Variants in AGMO observed in about 807,000 individuals in gnomAD.
AGMO encodes the protein glyceryl-ether monooxygenase.
Under a neutral mutation model 60.2 loss-of-function variants are expected in AGMO, and 75 were observed. That is an observed-to-expected ratio of 1.25 (90% CI 1.03 to 1.51). AGMO has a LOEUF of 1.51. AGMO is among the 40% of genes most tolerant of loss of function. AGMO has a pLI of 0.00. For missense variants in AGMO, 763 were observed against 525.5 expected, an observed-to-expected ratio of 1.45 and a Z score of -4.42; for synonymous variants, 261 against 177.1, an observed-to-expected ratio of 1.47 and a Z score of -3.76.
At chr7:15,534,886 T>C (rs1294185344) in intron 3 of AGMO, among the ~76,000 whole-genome samples, 1 of 151,828 alleles carries the variant, frequency 6.6e-6, no homozygotes, top group Non-Finnish European at 1.5e-5. Flanking sequence ...AGAGAAAACA[T>C]AGTAATATTT....
chr7:15,504,654 A>G (rs1019590071), intron 3 of AGMO, among the ~76,000 whole-genome samples: 6 of 151,970 alleles, frequency 3.9e-5, no homozygotes, highest in African/African-American at 1.4e-4. Flanking sequence ...TTAAAAATTA[A>G]GTGTTTCCGT....
At chr7:15,185,962 ATCT>A in the AGMO span, among the ~76,000 whole-genome samples, 1 of 152,224 alleles carries the variant, frequency 6.6e-6, no homozygotes, top group East Asian at 1.9e-4. Flanking sequence ...AATTTTAATT[ATCT>A]TCTTACAAAA....
chr7:15,157,781 T>C, the AGMO span, among the ~76,000 whole-genome samples: 3 of 152,334 alleles, frequency 2.0e-5, no homozygotes. Context: ...CTTCTCACAA[T>C]TGTGTAAGGT....
At chr7:15,549,779 A>G (rs1562568038) in intron 2 of AGMO, among the ~76,000 whole-genome samples, 1 of 151,582 alleles carries the variant, frequency 6.6e-6, no homozygotes, top group Admixed American at 6.6e-5. Flanking sequence ...GTCAACAAGG[A>G]TACCCAGGAA....
rs1563104897 is a variant in AGMO at position 15,354,344 on chromosome 7, GCGTGTATATAGACGTGTGTATATAGA to G, written c.1263+11144_1263+11169del. On this transcript the variant is annotated intron_variant, in intron 12 of 12. Transcript: ENST00000342526. ...TATATACGTACGCGTGTATATACAC[GCGTGTATATAGACGTGTGTATATAGA>G]CGTGTGTATACACGTGTGTGTATAC... Among the ~76,000 whole-genome samples, 11 of 80,690 alleles carry G rather than the reference GCGTGTATATAGACGTGTGTATATAGA, an allele frequency of 1.4e-4. No homozygotes were observed. In the East Asian group the frequency reaches 1.7e-3, roughly 12 times the overall value. The allele number at this position is 80,690 out of a possible 152,430, so 52.9% of individuals were successfully genotyped here. A position where few individuals can be genotyped will look rare whatever the true frequency, so the allele number is the denominator to read the frequency against.
chr7:15,257,726 G>C (rs1335974169), intron 12 of AGMO, among the ~76,000 whole-genome samples: 2 of 152,276 alleles, frequency 1.3e-5, no homozygotes, highest in East Asian at 1.9e-4. Context: ...TAATAAGAAA[G>C]ATAATTAAAA....
intron 12 of AGMO, chr7:15,306,349 T>C: frequency 3.7e-6 from 1 of 267,446 alleles, no homozygotes; most frequent in Non-Finnish European, 7.7e-6. Context: ...GGTAACTTCA[T>C]TCATGGATCA....
chr7:15,329,806 G>C (rs1011056554), intron 12 of AGMO, among the ~76,000 whole-genome samples: 1 of 152,156 alleles, frequency 6.6e-6, no homozygotes, highest in Non-Finnish European at 1.5e-5. Flanking sequence ...TGGGAATTCA[G>C]ATGCTATTTG....
At chr7:15,262,302 G>C (rs1230942581) in intron 12 of AGMO, among the ~76,000 whole-genome samples, 1 of 152,014 alleles carries the variant, frequency 6.6e-6, no homozygotes, top group Non-Finnish European at 1.5e-5. Context: ...CAAAATTAAT[G>C]TACACAAATC....
intron 3 of AGMO, among the ~76,000 whole-genome samples, chr7:15,523,472 C>T (rs993474753): frequency 6.6e-6 from 1 of 152,132 alleles, no homozygotes. Context: ...GAAAATGTGG[C>T]ACATATACAC....
intron 12 of AGMO, among the ~76,000 whole-genome samples, chr7:15,299,455 A>G (rs1784496076): frequency 1.3e-5 from 2 of 152,130 alleles, no homozygotes; most frequent in African/African-American, 4.8e-5. Context: ...CACCTAATCT[A>G]TGAGTACTAA....
At chr7:15,485,412 T>TA (rs1168182171) in intron 3 of AGMO, among the ~76,000 whole-genome samples, 1 of 152,038 alleles carries the variant, frequency 6.6e-6, no homozygotes, top group Non-Finnish European at 1.5e-5. Context: ...TTGTCAACAA[T>TA]ATCAGTTCAG....
chr7:15,209,013 A>G (rs775478339), intron 12 of AGMO, among the ~76,000 whole-genome samples: 2 of 152,188 alleles, frequency 1.3e-5, no homozygotes, highest in Non-Finnish European at 2.9e-5. Context: ...TTAAAACCAG[A>G]GGTTTGTTTC....
chr7:15,211,341 G>A (rs1057079843), intron 12 of AGMO, among the ~76,000 whole-genome samples: 1 of 152,080 alleles, frequency 6.6e-6, no homozygotes, highest in East Asian at 1.9e-4. Context: ...ATTGTAAGTA[G>A]ATTTTGGAAC....
intron 12 of AGMO, among the ~76,000 whole-genome samples, chr7:15,208,327 G>A (rs1325972588): frequency 6.6e-6 from 1 of 152,192 alleles, no homozygotes; most frequent in Non-Finnish European, 1.5e-5. Flanking sequence ...TGACCATCAT[G>A]TTGGCATAAG....
At chr7:15,270,635 T>TTTTTTTTTTTTTTTTTTTTG (rs1563063233) in intron 12 of AGMO, among the ~76,000 whole-genome samples, 1 of 116,300 alleles carries the variant, frequency 8.6e-6, no homozygotes, top group African/African-American at 3.4e-5. Flanking sequence ...TTTTTTTTTT[T>TTTTTTTTTTTTTTTTTTTTG]TTGCTGTGCA....
intron 12 of AGMO, among the ~76,000 whole-genome samples, chr7:15,275,395 T>C (rs1783752551): frequency 1.3e-5 from 2 of 152,158 alleles, no homozygotes; most frequent in South Asian, 4.1e-4. Flanking sequence ...CACTGTGGTA[T>C]AAAAAGACAT....
At chr7:15,187,896 A>C in the AGMO span, among the ~76,000 whole-genome samples, 10 of 84,942 alleles carry the variant, frequency 1.2e-4, no homozygotes, top group Admixed American at 5.1e-4. Context: ...GACAAGGATT[A>C]ACTCCCCCCC....
intron 12 of AGMO, among the ~76,000 whole-genome samples, chr7:15,361,014 G>A (rs1045956020): frequency 1.3e-5 from 2 of 152,154 alleles, no homozygotes; most frequent in African/African-American, 2.4e-5. Context: ...GCCAGCTATA[G>A]CTAGAATATT....
Sources: gnomAD v4.1 joint callset for allele counts (sites outside exome capture counted in the v4.1 genomes callset) on GRCh38, gnomAD v4.1.1 for gene constraint, MANE v1.5 for transcripts, NCBI Gene and HGNC (gene_info 2026-07-23, HGNC 2026-07-21) for gene names.